The following SLC13A1 variants were observed in gnomAD, a reference collection of about 807,000 sequenced individuals.
The protein encoded by SLC13A1 is Na(+)/sulfate cotransporter.
Under a neutral mutation model 70.0 loss-of-function variants are expected in SLC13A1, and 65 were observed. The observed-to-expected ratio is 0.93, with a 90% confidence interval of 0.76 to 1.14. The LOEUF is 1.14. Ranked by LOEUF, SLC13A1 falls within the 50% of genes most tolerant of loss-of-function variation. The probability of loss-of-function intolerance (pLI) is 0.00; values close to 1 mark genes in which losing one functional copy is unlikely to be tolerated. For synonymous variants in SLC13A1, 275 were observed against 250.5 expected, an observed-to-expected ratio of 1.10 and a Z score of -0.92; for missense variants, 726 against 717.8, an observed-to-expected ratio of 1.01 and a Z score of -0.13.
intron 8 of SLC13A1, among the ~76,000 whole-genome samples, chr7:123,130,137 A>T (rs1036987379): frequency 6.6e-6 from 1 of 152,190 alleles, no homozygotes; most frequent in Middle Eastern, 3.2e-3. Flanking sequence ...TCATGGTCAG[A>T]GACTAAACTA....
chr7:123,127,754 G>GATTCAGGGAGGGAAGA (rs1185003885), intron 10 of SLC13A1, among the ~76,000 whole-genome samples: 2 of 150,560 alleles, frequency 1.3e-5, no homozygotes, highest in Non-Finnish European at 3.0e-5. Context: ...AGAAGGTTCT[G>GATTCAGGGAGGGAAGA]ATTCAGGGAG....
chr7:123,144,867 A>G (rs560702188), intron 7 of SLC13A1, among the ~76,000 whole-genome samples: 216 of 152,324 alleles, frequency 1.4e-3, no homozygotes, highest in Non-Finnish European at 2.6e-3. Flanking sequence ...TAGCTTCAAA[A>G]GAATGAATGT....
intron 1 of SLC13A1, among the ~76,000 whole-genome samples, chr7:123,183,690 T>G (rs1392540756): frequency 6.6e-6 from 1 of 152,138 alleles, no homozygotes; most frequent in African/African-American, 2.4e-5. Context: ...CCAGACACAC[T>G]GAATCAATCA....
Position 123,147,318 on chromosome 7 carries a change from A to G in SLC13A1, c.661-8T>C, listed in dbSNP as rs755643615. ...GGTTCTCATGCCTGAGTTCTGTTCA[A>G]CAACAACAAAAAACTACCATGAGAA... On this transcript the variant is annotated splice_polypyrimidine_tract_variant and splice_region_variant and intron_variant, in intron 6 of 14. Coordinates refer to ENST00000194130, the MANE Select transcript of SLC13A1 (RefSeq NM_022444.4). The G allele has an allele frequency of 3.1e-6, 5 of 1,612,604 alleles. No individual in the cohort carries two copies. The highest frequency in any genetic ancestry group is 4.2e-6 in the Non-Finnish European group (5 of 1,179,376).
chr7:123,120,033 G>T (rs909775123), intron 12 of SLC13A1, among the ~76,000 whole-genome samples: 2 of 151,952 alleles, frequency 1.3e-5, no homozygotes, highest in African/African-American at 2.4e-5. Flanking sequence ...ACAAATAGAT[G>T]AACATATCAG....
rs779109293 is a variant in SLC13A1, at chr7:123,117,507, A to G, written c.1614T>C (p.Ile538=). ...LLPVANPPNA[I]VFSYGHLKVI... is the part of the protein sequence containing the mutation. ...CTTTCAGATGACCATATGAAAAGACAATAGCATTGGGTGGATTTGCTACTG... is the reference window on the plus strand; with the variant it reads ...CTTTCAGATGACCATATGAAAAGACGATAGCATTGGGTGGATTTGCTACTG... The change falls in exon 14 of 15, where the codon ATT becomes ATC. Residue 538 remains isoleucine (I), a synonymous_variant. Coordinates refer to ENST00000194130, the MANE Select transcript of SLC13A1 (RefSeq NM_022444.4). 3 of 1,613,474 alleles carry G rather than the reference A, an allele frequency of 1.9e-6. No individual in the cohort carries two copies. Among genetic ancestry groups the G allele is most frequent in the Non-Finnish European group, 1.7e-6 (2 of 1,179,644 alleles).
chr7:123,169,639 T>A (rs1429517481), intron 3 of SLC13A1, among the ~76,000 whole-genome samples: 1 of 140,028 alleles, frequency 7.1e-6, no homozygotes, highest in Admixed American at 7.0e-5. Context: ...TTATATGACA[T>A]AACAGCTTAT....
At chr7:123,177,753 A>T (rs893003295) in intron 2 of SLC13A1, among the ~76,000 whole-genome samples, 1 of 152,104 alleles carries the variant, frequency 6.6e-6, no homozygotes, top group Non-Finnish European at 1.5e-5. Context: ...TGACCATCTT[A>T]TTTAAAACTA....
At chr7:123,169,496 C>A (rs191428085) in intron 3 of SLC13A1, among the ~76,000 whole-genome samples, 161 bp from the exon 4 acceptor site, 333 of 152,196 alleles carry the variant, frequency 2.2e-3, no homozygotes, top group African/African-American at 7.2e-3. Flanking sequence ...ATTGGAGTAC[C>A]GTGACAGCCA....
At chr7:123,198,974 T>C (rs1004526987) in intron 1 of SLC13A1, among the ~76,000 whole-genome samples, 4 of 152,090 alleles carry the variant, frequency 2.6e-5, no homozygotes, top group African/African-American at 7.2e-5. Flanking sequence ...CCTGCTACTA[T>C]ACACATCTTT....
At chr7:123,146,113 C>T (rs74855624) in intron 7 of SLC13A1, among the ~76,000 whole-genome samples, 2 of 152,106 alleles carry the variant, frequency 1.3e-5, no homozygotes, top group Non-Finnish European at 2.9e-5. Flanking sequence ...ACTTACATAG[C>T]GCAAAATATT....
intron 7 of SLC13A1, among the ~76,000 whole-genome samples, chr7:123,140,547 T>C (rs537797997): frequency 6.6e-6 from 1 of 152,182 alleles, no homozygotes; most frequent in Non-Finnish European, 1.5e-5. Flanking sequence ...AGTGAAGCCA[T>C]TGGGTCCCAG....
intron 6 of SLC13A1, chr7:123,149,761 G>A (rs892533484): frequency 3.0e-5 from 12 of 395,490 alleles, no homozygotes; most frequent in Non-Finnish European, 6.0e-5. Context: ...CTTTGCTGTT[G>A]AATTAATTCT....
chr7:123,127,838 ATTTTTTTTTTTTTTTTT>A (rs201644707), intron 10 of SLC13A1, among the ~76,000 whole-genome samples: 3 of 106,788 alleles, frequency 2.8e-5, no homozygotes, highest in South Asian at 3.1e-4. Context: ...CCAAAATACA[ATTTTTTTTTTTTTTTTT>A]TTTTTTTTTT....
At chr7:123,135,718 T>C (rs1793928671) in intron 7 of SLC13A1, among the ~76,000 whole-genome samples, 1 of 152,128 alleles carries the variant, frequency 6.6e-6, no homozygotes, top group Non-Finnish European at 1.5e-5. Context: ...CTCAAAACTC[T>C]AGATTTCTAA....
intron 6 of SLC13A1, among the ~76,000 whole-genome samples, chr7:123,155,733 A>G (rs1005875159): frequency 2.0e-5 from 3 of 152,060 alleles, no homozygotes; most frequent in African/African-American, 7.2e-5. Flanking sequence ...TCTAAGGTCA[A>G]TGTTTTCATC....
chr7:123,171,228 A>G (rs1041306109), intron 3 of SLC13A1, among the ~76,000 whole-genome samples: 1 of 152,314 alleles, frequency 6.6e-6, no homozygotes, highest in Admixed American at 6.5e-5. Flanking sequence ...CAAATGAGTG[A>G]TTTCATACTC....
At chr7:123,144,197 G>A (rs1325833041) in intron 7 of SLC13A1, among the ~76,000 whole-genome samples, 2 of 152,116 alleles carry the variant, frequency 1.3e-5, no homozygotes, top group African/African-American at 4.8e-5. Flanking sequence ...ATGTTGGAAT[G>A]CAGCTGGATA....
intron 1 of SLC13A1, among the ~76,000 whole-genome samples, chr7:123,195,368 A>T (rs573074236): frequency 1.3e-5 from 2 of 152,072 alleles, no homozygotes; most frequent in South Asian, 4.1e-4. Context: ...AATTATTTCC[A>T]TTAATATATT....
Sources: allele counts gnomAD v4.1 joint callset (sites outside exome capture counted in the v4.1 genomes callset), GRCh38; gene constraint gnomAD v4.1.1; transcripts MANE v1.5; gene names NCBI Gene and HGNC (gene_info 2026-07-23, HGNC 2026-07-21).